The following TTLL9 variants were observed in gnomAD, a reference collection of about 807,000 sequenced individuals.
The protein encoded by TTLL9 is probable tubulin polyglutamylase TTLL9.
TTLL9 carries 47 observed loss-of-function variants against 65.6 expected under a neutral mutation model. The ratio of observed to expected loss-of-function variants is 0.72; its 90% confidence interval spans 0.57 to 0.91. The LOEUF is 0.91. Ranked by LOEUF, TTLL9 falls within the 40% of genes least tolerant of loss-of-function variation. TTLL9 has a pLI of 0.00. For synonymous variants in TTLL9, 179 were observed against 204.8 expected, an observed-to-expected ratio of 0.87 and a Z score of 1.07; for missense variants, 537 against 568.8, an observed-to-expected ratio of 0.94 and a Z score of 0.57.
At chr20:31,888,448 A>G (rs1283710951) in intron 3 of TTLL9, among the ~76,000 whole-genome samples, 1 of 152,140 alleles carries the variant, frequency 6.6e-6, no homozygotes, top group Non-Finnish European at 1.5e-5. Context: ...TTGCATTGCT[A>G]TAAAGGAATA....
Position 31,937,404 on chromosome 20 carries a change from T to C in TTLL9, c.1013T>C (p.Leu338Pro). ...LIDQDLKPWL[L>P]EVNASPSLTA... is the part of the protein sequence containing the mutation. ...CTCCCCTCCCTTCCCAGGTGGCTCCTGGAGGTCAATGCGTCCCCATCACTG... is the reference window on the plus strand; with the variant it reads ...CTCCCCTCCCTTCCCAGGTGGCTCCCGGAGGTCAATGCGTCCCCATCACTG... Residue 338 changes from leucine to proline, a missense_variant, in exon 13 of 15, where the codon CTG becomes CCG. Physicochemically the swap from Leu to Pro is moderately conservative, Grantham distance 98. Around this residue, in one of 3 missense-constraint regions of TTLL9, gnomAD observed 205 missense variants for 225.9 expected, o/e 0.91. Transcript: ENST00000535842. The C allele has an allele frequency of 6.2e-7, 1 of 1,613,596 alleles. No homozygotes were observed. The highest frequency in any genetic ancestry group is 8.5e-7 in the Non-Finnish European group (1 of 1,179,690).
At position 31,912,688 on chromosome 20, in the gene TTLL9, G is replaced by A. The variant is rs2063676121; in HGVS notation, c.504+2766G>A. Among the ~76,000 whole-genome samples the A allele has an allele frequency of 2.0e-5, 3 of 151,802 alleles. No homozygotes were observed. In the South Asian group the frequency reaches 6.2e-4, roughly 32 times the overall value. On this transcript the variant is annotated intron_variant, in intron 6 of 14. Coordinates refer to ENST00000535842, the MANE Select transcript of TTLL9 (RefSeq NM_001008409.5). ...AATTGGCTCATACAATATTGTGGGG[G>A]TTGGCAAGTCTGAAATCTGCAGGGC... is the stretch of plus-strand genomic sequence containing the variant.
intron 4 of TTLL9, among the ~76,000 whole-genome samples, chr20:31,906,990 G>T (rs1213805097): frequency 2.6e-5 from 4 of 152,120 alleles, no homozygotes; most frequent in African/African-American, 4.8e-5. Flanking sequence ...ACTGTGGCGT[G>T]TTCACCCAAT....
rs528824781 is a variant in TTLL9, at chr20:31,893,500, A to G, written c.114-4973A>G. Among the ~76,000 whole-genome samples the G allele has an allele frequency of 3.3e-5, 5 of 152,176 alleles. No homozygotes were observed. In the South Asian group the frequency reaches 1.0e-3, roughly 32 times the overall value. On this transcript the variant is annotated intron_variant, in intron 3 of 14. Coordinates refer to ENST00000535842, the MANE Select transcript of TTLL9 (RefSeq NM_001008409.5). ...GAGACCAGATTTCTCCATGTTGGTT[A>G]GGCTGGTCTTGAACTCCTGGCCTCA... is the stretch of plus-strand genomic sequence containing the variant.
intron 8 of TTLL9, 106 bp downstream of exon 8, chr20:31,923,159 A>G: frequency 1.2e-6 from 1 of 831,652 alleles, no homozygotes; most frequent in Non-Finnish European, 2.1e-6. Flanking sequence ...GACACCAGGC[A>G]TGAAGGGATG....
chr20:31,876,263 AT>A (rs2063036169), intron 2 of TTLL9, among the ~76,000 whole-genome samples: 2 of 152,278 alleles, frequency 1.3e-5, no homozygotes, highest in Non-Finnish European at 2.9e-5. Context: ...CCTGGCCAAC[AT>A]GGCAAAACCG....
chr20:31,932,471 C>CAAAAAAAAA lies in TTLL9; in HGVS notation c.749-1323_749-1315dup, dbSNP rs58783829. Among the ~76,000 whole-genome samples the CAAAAAAAAA allele has an allele frequency of 7.6e-4, 66 of 86,464 alleles. 1 individual carries two copies. Among genetic ancestry groups the CAAAAAAAAA allele is most frequent in the Non-Finnish European group, 1.3e-3 (59 of 45,194 alleles). 56.7% of individuals were successfully genotyped at this position (86,464 alleles called of 152,430 possible). A position where few individuals can be genotyped will look rare whatever the true frequency, so the allele number is the denominator to read the frequency against. On this transcript the variant is annotated intron_variant, in intron 10 of 14. Transcript: ENST00000535842. The stretch of plus-strand genomic sequence containing the variant: ...TGGGTGACAGAGCAAGACCCTGTCT[C>CAAAAAAAAA]AAAAAAAAAAAAAAGGTCTAAAGAA...
chr20:31,893,961 C>G (rs945590211), intron 3 of TTLL9, among the ~76,000 whole-genome samples: 3 of 152,086 alleles, frequency 2.0e-5, no homozygotes, highest in African/African-American at 7.2e-5. Context: ...TTCTCTAATT[C>G]AATTTGAACA....
intron 2 of TTLL9, chr20:31,873,071 T>G: frequency 2.0e-6 from 1 of 512,590 alleles, no homozygotes; most frequent in Non-Finnish European, 3.9e-6. Flanking sequence ...TGGGATAGAG[T>G]GGGACCCGAG....
chr20:31,926,206 A>G (rs773756569), intron 10 of TTLL9, 115 bp downstream of exon 10: 16 of 723,344 alleles, frequency 2.2e-5, no homozygotes, highest in African/African-American at 5.2e-5. Context: ...CTGCCTGATG[A>G]TAGTTTTGGT....
intron 6 of TTLL9, among the ~76,000 whole-genome samples, chr20:31,916,411 TG>T (rs1338077687): frequency 6.6e-6 from 1 of 152,218 alleles, no homozygotes; most frequent in Non-Finnish European, 1.5e-5. Flanking sequence ...AGGTATTAGG[TG>T]ATTTCCATCT....
chr20:31,930,570 C>T (rs1054528103), intron 10 of TTLL9, among the ~76,000 whole-genome samples: 12 of 152,244 alleles, frequency 7.9e-5, no homozygotes, highest in South Asian at 4.1e-4. Context: ...GTGGGATTTT[C>T]ATGTGACAGA....
intron 6 of TTLL9, among the ~76,000 whole-genome samples, chr20:31,914,094 C>T (rs938209281): frequency 2.0e-5 from 3 of 152,264 alleles, no homozygotes; most frequent in East Asian, 3.8e-4. Flanking sequence ...GGGCTGTTCT[C>T]AGCCTTGGGG....
chr20:31,879,205 C>G (rs1365466609), intron 2 of TTLL9, among the ~76,000 whole-genome samples: 1 of 152,126 alleles, frequency 6.6e-6, no homozygotes. Flanking sequence ...CCTGTAATCC[C>G]AGCTACTCGG....
intron 14 of TTLL9, among the ~76,000 whole-genome samples, chr20:31,942,238 C>A (rs2064222735): frequency 6.6e-6 from 1 of 152,162 alleles, no homozygotes; most frequent in Non-Finnish European, 1.5e-5. Context: ...ATGTGCCTGG[C>A]ATGAGGTTAA....
At chr20:31,886,822 A>C (rs976144223) in intron 2 of TTLL9, among the ~76,000 whole-genome samples, 2 of 152,176 alleles carry the variant, frequency 1.3e-5, no homozygotes, top group Admixed American at 1.3e-4. Context: ...CCATCTCAAC[A>C]ACAACAACAA....
Position 31,939,234 on chromosome 20 carries a change from G to C in TTLL9, c.1211G>C (p.Gly404Ala). The C allele has an allele frequency of 6.2e-7, 1 of 1,613,704 alleles. No homozygotes were observed. Among genetic ancestry groups the C allele is most frequent in the Non-Finnish European group, 8.5e-7 (1 of 1,179,824 alleles). Reference sequence around the variant, plus strand: ...GAGGAGGGGGCTCCTGACCTGTCGGGAATGGGAAACTTTGTGACCAACACA... The same window carrying C: ...GAGGAGGGGGCTCCTGACCTGTCGGCAATGGGAAACTTTGTGACCAACACA... Reference protein sequence around the residue: ...SREEGAPDLSGMGNFVTNTHL... With the variant: ...SREEGAPDLSAMGNFVTNTHL... Residue 404 changes from glycine (G) to alanine (A), a missense_variant, in exon 14 of 15, where the codon GGA (glycine) becomes GCA (alanine). Coordinates refer to ENST00000535842, the MANE Select transcript of TTLL9 (RefSeq NM_001008409.5).
At chr20:31,936,870 T>A (rs776163138) in intron 12 of TTLL9, among the ~76,000 whole-genome samples, 58 of 147,790 alleles carry the variant, frequency 3.9e-4, no homozygotes, top group Middle Eastern at 3.9e-3. Flanking sequence ...CTGAGGCGGG[T>A]GGATCACCTG....
At chr20:31,878,668 T>A (rs529984989) in intron 2 of TTLL9, among the ~76,000 whole-genome samples, 12 of 152,336 alleles carry the variant, frequency 7.9e-5, no homozygotes, top group Admixed American at 2.0e-4. Context: ...CCCCATTTTT[T>A]AATTCTGATT....
Sources: gnomAD v4.1 joint callset for allele counts (sites outside exome capture counted in the v4.1 genomes callset) on GRCh38, gnomAD v4.1.1 for gene constraint, gnomAD v4.1.1 regional missense constraint, MANE v1.5 for transcripts, NCBI Gene and HGNC (gene_info 2026-07-23, HGNC 2026-07-21) for gene names.